Variants in POFUT2 observed in about 807,000 individuals in gnomAD.
POFUT2 encodes the protein GDP-fucose protein O-fucosyltransferase 2.
A neutral mutation model predicts 55.0 loss-of-function variants in POFUT2; 30 were observed. That is an observed-to-expected ratio of 0.55 (90% CI 0.41 to 0.74). POFUT2 has a LOEUF of 0.74. Among genes scored for constraint, POFUT2 ranks in the 30% least tolerant of loss-of-function variants. The pLI is 0.00. For missense variants in POFUT2, 524 were observed against 562.6 expected (o/e 0.93, Z 0.69); for synonymous variants, 267 against 231.1 (o/e 1.16, Z -1.41).
In POFUT2 at chr21:45,267,470, G is replaced by T. The variant is rs568259423; in HGVS notation, c.1136+120C>A. On this transcript the variant is annotated intron_variant, in intron 8 of 8. Coordinates refer to ENST00000349485, the MANE Select transcript of POFUT2 (RefSeq NM_133635.6). This position sits in a 1 kb window ranked among gnomAD's most constrained non-coding sequence, Gnocchi z 4.4. ...GGAGACTCAGACGAGGAGGCAAACA[G>T]TATGGAAATGACCACTGTGAACACA... 6.2e-7 allele frequency: 1 copy of T among 1,614,168 alleles called. No individual in the cohort carries two copies. Among genetic ancestry groups the T allele is most frequent in the South Asian group, 1.1e-5 (1 of 91,086 alleles).
rs892157388 is a variant in POFUT2 at position 45,267,051 on chromosome 21, C to T, written c.1136+539G>A. The T allele has an allele frequency of 1.3e-4, 140 of 1,095,088 alleles. No homozygotes were observed. Among genetic ancestry groups the T allele is most frequent in the Non-Finnish European group, 1.5e-4 (138 of 896,534 alleles). The allele number at this position is 1,095,088 out of a possible 1,614,324, so 67.8% of individuals were successfully genotyped here. On this transcript the variant is annotated intron_variant, in intron 8 of 8. Coordinates refer to ENST00000349485, the MANE Select transcript of POFUT2 (RefSeq NM_133635.6). This position sits in a 1 kb window ranked among gnomAD's most constrained non-coding sequence, Gnocchi z 4.4. Reference sequence around the variant, plus strand: ...CACGGCAGCCCCACGAGAATGATCACACGAGGGCCCACGCTCCCGGCCTCG... The same window carrying T: ...CACGGCAGCCCCACGAGAATGATCATACGAGGGCCCACGCTCCCGGCCTCG...
chr21:45,277,333 C>A lies in POFUT2; in HGVS notation c.706-191G>T. On this transcript the variant is annotated intron_variant, in intron 5 of 8. Transcript: ENST00000349485. This position sits in a 1 kb window ranked among gnomAD's most constrained non-coding sequence, Gnocchi z 6.9. Reference sequence around the variant, plus strand: ...TCTTGGAGGGTCTCCTGCATGAAGCCAACGCAGGGCAAGCCGCCCACCCCT... The same window carrying A: ...TCTTGGAGGGTCTCCTGCATGAAGCAAACGCAGGGCAAGCCGCCCACCCCT... The A allele has an allele frequency of 1.4e-6, 1 of 709,502 alleles. No homozygotes were observed. Among genetic ancestry groups the A allele is most frequent in the Non-Finnish European group, 2.2e-6 (1 of 448,464 alleles). The allele number at this position is 709,502 out of a possible 1,614,324, so 44.0% of individuals were successfully genotyped here.
intron 6 of POFUT2, among the ~76,000 whole-genome samples, chr21:45,272,163 A>T (rs1009412723): frequency 2.0e-5 from 3 of 152,202 alleles, no homozygotes; most frequent in African/African-American, 4.8e-5. Context: ...TCTTCAAGAG[A>T]CTGACCTAAC....
rs867278277 is a variant in POFUT2, at chr21:45,267,076, G to A, written c.1136+514C>T. 1.7e-4 allele frequency: 186 copies of A among 1,109,950 alleles called. 1 individual carries two copies. The highest frequency in any genetic ancestry group is 3.4e-4 in the Admixed American group (7 of 20,582). The allele number at this position is 1,109,950 out of a possible 1,614,324, so 68.8% of individuals were successfully genotyped here. On this transcript the variant is annotated intron_variant, in intron 8 of 8. Coordinates refer to ENST00000349485, the MANE Select transcript of POFUT2 (RefSeq NM_133635.6). The surrounding 1 kb of genome is among the most constrained non-coding windows in gnomAD (Gnocchi z 4.4). Reference sequence around the variant, plus strand: ...CACGAGGGCCCACGCTCCCGGCCTCGGGGACGCTCACGGCAGCCCCACAAG... The same window carrying A: ...CACGAGGGCCCACGCTCCCGGCCTCAGGGACGCTCACGGCAGCCCCACAAG...
rs777339128 is a variant in POFUT2, at chr21:45,269,858, G to A, written c.993C>T (p.Ala331=). 1 of 1,605,494 alleles carries A rather than the reference G, an allele frequency of 6.2e-7. No individual in the cohort carries two copies. The highest frequency in any genetic ancestry group is 1.7e-5 in the Admixed American group (1 of 57,268). Residue 331 remains alanine (A), a synonymous_variant, in exon 7 of 9, where the codon GCC becomes GCT. Coordinates refer to ENST00000349485, the MANE Select transcript of POFUT2 (RefSeq NM_133635.6). ...KTHRLDKVFV[A]TDAVRKEYEE... The stretch of plus-strand genomic sequence containing the variant: ...CCATACCCTTTCTGACGGCATCTGT[G>A]GCCACAAACACCTTGTCCAGCCGGT...
rs1248861682 is a variant in POFUT2, at chr21:45,282,429, C to T, written c.558G>A (p.Arg186=). The T allele has an allele frequency of 6.2e-7, 1 of 1,611,898 alleles. No individual in the cohort carries two copies. The highest frequency in any genetic ancestry group is 8.5e-7 in the Non-Finnish European group (1 of 1,178,252). The part of the protein sequence containing the change: ...RGWFWGYEET[R]GLNVSCLSVQ... ...CGGACAGACAGGAGACGTTTAGACC[C>T]CTGGTCTCCTCATAACCCCAAAACC... is the stretch of plus-strand genomic sequence containing the variant. Residue 186 remains arginine (R), a synonymous_variant, in exon 4 of 9, where the codon AGG becomes AGA. Transcript: ENST00000349485. The surrounding 1 kb of genome is among the most constrained non-coding windows in gnomAD (Gnocchi z 4.6).
intron 1 of POFUT2, among the ~76,000 whole-genome samples, chr21:45,286,212 C>T (rs2031389737): frequency 6.6e-6 from 1 of 152,194 alleles, no homozygotes; most frequent in Non-Finnish European, 1.5e-5. Flanking sequence ...CCACATGGTT[C>T]TCAAACTGTT....
intron 7 of POFUT2, among the ~76,000 whole-genome samples, chr21:45,268,128 CGATT>C (rs1569216662): frequency 3.3e-5 from 5 of 151,324 alleles, no homozygotes; most frequent in Non-Finnish European, 7.4e-5. Flanking sequence ...CGAGTGCCTG[CGATT>C]GCAGGCACGC....
Position 45,283,469 on chromosome 21 carries a change from C to G in POFUT2, c.441G>C (p.Trp147Cys), listed in dbSNP as rs750171661. ...CCTTCTCTTCCCAGGTCCCTTCTTTCCACCCCTCTGCGTAACTTTGCAGGA... is the reference window on the plus strand; with the variant it reads ...CCTTCTCTTCCCAGGTCCCTTCTTTGCACCCCTCTGCGTAACTTTGCAGGA... ...VYVLQSYAEG[W>C]KEGTWEEKVD... is the part of the protein sequence containing the mutation. The change falls in exon 3 of 9, where the codon TGG becomes TGC. Residue 147 changes from tryptophan to cysteine, a missense_variant. Physicochemically the swap from Trp to Cys is radical, Grantham distance 215. Transcript: ENST00000349485. 1.2e-6 allele frequency: 2 copies of G among 1,613,932 alleles called. No homozygotes were observed. Among genetic ancestry groups the G allele is most frequent in the South Asian group, 1.1e-5 (1 of 91,082 alleles).
Position 45,282,762 on chromosome 21 carries a change from T to G in POFUT2, c.528-303A>C, listed in dbSNP as rs1204473237. The G allele has an allele frequency of 1.9e-6, 1 of 526,880 alleles. No individual in the cohort carries two copies. Among genetic ancestry groups the G allele is most frequent in the South Asian group, 1.6e-5 (1 of 64,492 alleles). 32.6% of individuals were successfully genotyped at this position (526,880 alleles called of 1,614,324 possible). On this transcript the variant is annotated intron_variant, in intron 3 of 8. Coordinates refer to ENST00000349485, the MANE Select transcript of POFUT2 (RefSeq NM_133635.6). The surrounding 1 kb of genome is among the most constrained non-coding windows in gnomAD (Gnocchi z 4.6). ...TGCACCTTCAGGGCCAGCCTGGCTG[T>G]GACCGTCAGCCAAGTCAACCGCGCC... is the stretch of plus-strand genomic sequence containing the variant.
In POFUT2 at chr21:45,264,146, C is replaced by T. The variant is rs1178521207; in HGVS notation, c.*1336G>A. The T allele has an allele frequency of 6.6e-6, 1 of 152,214 alleles. No homozygotes were observed. The highest frequency in any genetic ancestry group is 1.5e-5 in the Non-Finnish European group (1 of 68,034). The allele number at this position is 152,214 out of a possible 1,614,324, so 9.4% of individuals were successfully genotyped here. ...ACACGTTCAGGGTCAATTTTAAAAG[C>T]TTGAGAAGACACAGCAAGGTGATGT... On this transcript the variant is annotated 3_prime_UTR_variant, in exon 9 of 9. Coordinates refer to ENST00000349485, the MANE Select transcript of POFUT2 (RefSeq NM_133635.6).
chr21:45,276,820 C>T (rs2093268726), intron 6 of POFUT2, among the ~76,000 whole-genome samples, 197 bp downstream of exon 6: 1 of 152,164 alleles, frequency 6.6e-6, no homozygotes, highest in Non-Finnish European at 1.5e-5. Flanking sequence ...CCTGAGTCTG[C>T]ACATGACGAG....
chr21:45,265,645 A>G lies in POFUT2; in HGVS notation c.1137-10T>C. 6.3e-7 allele frequency: 1 copy of G among 1,594,118 alleles called. No homozygotes were observed. Among genetic ancestry groups the G allele is most frequent in the Non-Finnish European group, 8.5e-7 (1 of 1,171,570 alleles). On this transcript the variant is annotated splice_polypyrimidine_tract_variant and intron_variant, in intron 8 of 8. Coordinates refer to ENST00000349485, the MANE Select transcript of POFUT2 (RefSeq NM_133635.6). This position sits in a 1 kb window ranked among gnomAD's most constrained non-coding sequence, Gnocchi z 4.6. Reference sequence around the variant, plus strand: ...GGTGCCAATAAAAAACCTGCAAAGGATCACAGAGGTTCCAGAGTCAGGGAG... The same window carrying G: ...GGTGCCAATAAAAAACCTGCAAAGGGTCACAGAGGTTCCAGAGTCAGGGAG...
Position 45,287,791 on chromosome 21 carries a change from C to A in POFUT2, c.81G>T (p.Trp27Cys). 2 of 1,517,576 alleles carry A rather than the reference C, an allele frequency of 1.3e-6. No homozygotes were observed. Among genetic ancestry groups the A allele is most frequent in the Non-Finnish European group, 1.8e-6 (2 of 1,129,318 alleles). The allele number at this position is 1,517,576 out of a possible 1,614,324, so 94.0% of individuals were successfully genotyped here. Residue 27 changes from tryptophan to cysteine, a missense_variant, in exon 1 of 9, where the codon TGG becomes TGT. By Grantham distance (215) the Trp-to-Cys change is radical. Around this residue, in one of 2 missense-constraint regions of POFUT2, gnomAD observed 274 missense variants for 244.4 expected, o/e 1.12. Transcript: ENST00000349485. ...PPASASGQEFWPGQSAADILS... is the reference protein window; with the variant it reads ...PPASASGQEFCPGQSAADILS... ...GAATATCGGCCGCCGATTGTCCGGG[C>A]CAGAACTCCTGGCCGGAGGCAGAAG...
At chr21:45,274,539 T>G (rs1350618549) in intron 6 of POFUT2, among the ~76,000 whole-genome samples, 5 of 152,074 alleles carry the variant, frequency 3.3e-5, no homozygotes, top group Non-Finnish European at 5.9e-5. Flanking sequence ...AATCTGGAAG[T>G]ACACAATACT....
rs2030855389 is a variant in POFUT2 at position 45,282,821 on chromosome 21, C to T, written c.528-362G>A. 1 of 488,402 alleles carries T rather than the reference C, an allele frequency of 2.0e-6. No homozygotes were observed. The highest frequency in any genetic ancestry group is 1.5e-5 in the South Asian group (1 of 64,680). 30.3% of individuals were successfully genotyped at this position (488,402 alleles called of 1,614,324 possible). A position where few individuals can be genotyped will look rare whatever the true frequency, so the allele number is the denominator to read the frequency against. ...GAGCTCACCTGCCATGCTTTAGAGCCAGCTGCCCTGGCACTGGACACATGG... is the reference window on the plus strand; with the variant it reads ...GAGCTCACCTGCCATGCTTTAGAGCTAGCTGCCCTGGCACTGGACACATGG... On this transcript the variant is annotated intron_variant, in intron 3 of 8. Coordinates refer to ENST00000349485, the MANE Select transcript of POFUT2 (RefSeq NM_133635.6). This position sits in a 1 kb window ranked among gnomAD's most constrained non-coding sequence, Gnocchi z 4.6.
chr21:45,267,301 T>C lies in POFUT2; in HGVS notation c.1136+289A>G. On this transcript the variant is annotated intron_variant, in intron 8 of 8. Coordinates refer to ENST00000349485, the MANE Select transcript of POFUT2 (RefSeq NM_133635.6). This position sits in a 1 kb window ranked among gnomAD's most constrained non-coding sequence, Gnocchi z 4.4. ...AGACAGGGGCAGAAACCGGGAATGA[T>C]GGGAAAATGCGACACAAGAAGAGGT... 6.8e-7 allele frequency: 1 copy of C among 1,461,402 alleles called. No homozygotes were observed. The highest frequency in any genetic ancestry group is 2.4e-5 in the East Asian group (1 of 41,140). 90.5% of individuals were successfully genotyped at this position (1,461,402 alleles called of 1,614,324 possible). A position where few individuals can be genotyped will look rare whatever the true frequency, so the allele number is the denominator to read the frequency against.
Position 45,265,448 on chromosome 21 carries a change from G to A in POFUT2, c.*34C>T. 2 of 1,575,612 alleles carry A rather than the reference G, an allele frequency of 1.3e-6. No homozygotes were observed. The highest frequency in any genetic ancestry group is 8.6e-7 in the Non-Finnish European group (1 of 1,159,178). Reference sequence around the variant, plus strand: ...ACAGAACCTGCATCCACCCGCGCCTGTCGGGTCCGGGGAGCGGCCCTGGAG... The same window carrying A: ...ACAGAACCTGCATCCACCCGCGCCTATCGGGTCCGGGGAGCGGCCCTGGAG... On this transcript the variant is annotated 3_prime_UTR_variant, in exon 9 of 9. Transcript: ENST00000349485. The surrounding 1 kb of genome is among the most constrained non-coding windows in gnomAD (Gnocchi z 4.6).
chr21:45,283,296 G>A (rs1253467090), intron 3 of POFUT2, 87 bp downstream of exon 3: 5 of 623,526 alleles, frequency 8.0e-6, no homozygotes, highest in Non-Finnish European at 1.3e-5. Context: ...AGTGGGCGGG[G>A]GGCGCCTGAG....
Sources: allele counts gnomAD v4.1 joint callset (sites outside exome capture counted in the v4.1 genomes callset), GRCh38; gene constraint gnomAD v4.1.1; regional missense constraint gnomAD v4.1.1; non-coding constraint Gnocchi (gnomAD v3.1); transcripts MANE v1.5; gene names NCBI Gene and HGNC (gene_info 2026-07-23, HGNC 2026-07-21).